The following APBA2 variants were observed in gnomAD, a reference collection of about 807,000 sequenced individuals.
APBA2 encodes amyloid-beta A4 precursor protein-binding family A member 2.
Under a neutral mutation model 75.0 loss-of-function variants are expected in APBA2, and 30 were observed. That is an observed-to-expected ratio of 0.40 (90% CI 0.30 to 0.54). The LOEUF is 0.54. Among genes scored for constraint, APBA2 ranks in the 20% least tolerant of loss-of-function variants. The probability of loss-of-function intolerance (pLI) is 0.49; values close to 1 mark genes in which losing one functional copy is unlikely to be tolerated. For synonymous variants in APBA2, 444 were observed against 409.6 expected (o/e 1.08, Z -1.01); for missense variants, 801 against 1,016.1 (o/e 0.79, Z 2.88).
intron 1 of APBA2, among the ~76,000 whole-genome samples, chr15:28,891,087 G>A (rs1218744550): frequency 2.0e-5 from 3 of 152,236 alleles, no homozygotes; most frequent in Non-Finnish European, 4.4e-5. Flanking sequence ...TCTGGAAACG[G>A]AAACACTCCA....
intron 3 of APBA2, among the ~76,000 whole-genome samples, chr15:29,027,852 T>C (rs2040300313): frequency 6.6e-6 from 1 of 152,060 alleles, no homozygotes; most frequent in African/African-American, 2.4e-5. Context: ...CCGCCCACCT[T>C]GAAGCCTCCC....
chr15:29,057,543 A>G (rs1248126465), intron 4 of APBA2, among the ~76,000 whole-genome samples: 1 of 152,226 alleles, frequency 6.6e-6, no homozygotes, highest in Admixed American at 6.5e-5. Flanking sequence ...TTTTCAGACC[A>G]TAGCATTGAG....
chr15:28,988,818 T>C (rs1293161676), intron 2 of APBA2, among the ~76,000 whole-genome samples: 1 of 152,206 alleles, frequency 6.6e-6, no homozygotes, highest in Non-Finnish European at 1.5e-5. Flanking sequence ...AGGATTGGAA[T>C]TGCTATGGGA....
chr15:28,990,159 G>A (rs755284950), intron 2 of APBA2, among the ~76,000 whole-genome samples: 1 of 152,132 alleles, frequency 6.6e-6, no homozygotes, highest in Non-Finnish European at 1.5e-5. Flanking sequence ...TGGGCGCGGT[G>A]GGCACTTTGG....
intron 3 of APBA2, among the ~76,000 whole-genome samples, chr15:29,041,357 C>G (rs1257078045): frequency 6.6e-6 from 1 of 151,902 alleles, no homozygotes; most frequent in Non-Finnish European, 1.5e-5. Context: ...GTGGCACACA[C>G]CTGTAGTGCC....
chr15:28,939,628 G>A (rs1314702905), intron 2 of APBA2, among the ~76,000 whole-genome samples: 1 of 152,130 alleles, frequency 6.6e-6, no homozygotes, highest in African/African-American at 2.4e-5. Flanking sequence ...GCTACTTCTG[G>A]CCTCACGAGA....
intron 2 of APBA2, among the ~76,000 whole-genome samples, chr15:28,932,339 C>T (rs1361257221): frequency 6.6e-6 from 1 of 152,146 alleles, no homozygotes; most frequent in East Asian, 1.9e-4. Flanking sequence ...GTACCCATCC[C>T]TTGCAGTGGG....
intron 3 of APBA2, among the ~76,000 whole-genome samples, chr15:29,048,956 A>G (rs2041473870): frequency 6.6e-6 from 1 of 151,678 alleles, no homozygotes; most frequent in African/African-American, 2.4e-5. Context: ...AAAAAAAAAA[A>G]GAATTTAGTG....
chr15:29,030,993 A>G (rs1424824565), intron 3 of APBA2, among the ~76,000 whole-genome samples: 1 of 152,094 alleles, frequency 6.6e-6, no homozygotes, highest in Admixed American at 6.5e-5. Context: ...TATTTTTGTT[A>G]TTAATGGGAA....
chr15:28,954,712 A>G (rs1297456362), intron 2 of APBA2, among the ~76,000 whole-genome samples: 1 of 152,186 alleles, frequency 6.6e-6, no homozygotes, highest in Non-Finnish European at 1.5e-5. Context: ...GCAAATTCAC[A>G]GTTGACATCT....
chr15:29,056,805 C>A (rs141688520), intron 4 of APBA2, among the ~76,000 whole-genome samples: 13 of 151,892 alleles, frequency 8.6e-5, no homozygotes, highest in South Asian at 2.1e-4. Context: ...GCCCGCTGCA[C>A]GTGGGCAGGG....
chr15:29,069,601 C>T (rs554065904), intron 4 of APBA2, among the ~76,000 whole-genome samples: 5 of 152,346 alleles, frequency 3.3e-5, no homozygotes, highest in African/African-American at 1.2e-4. Flanking sequence ...TGCTTTTGTT[C>T]ATGTGTGTGT....
At chr15:29,037,969 T>C (rs60060348) in intron 3 of APBA2, among the ~76,000 whole-genome samples, 38,823 of 152,112 alleles carry the variant, frequency 0.26, 8,031 homozygotes, top group African/African-American at 0.57. Flanking sequence ...ACTGTTATAA[T>C]GGCAATCAAA....
chr15:29,114,084 C>A (rs1331215094), intron 14 of APBA2, 68 bp downstream of exon 14: 4 of 1,606,078 alleles, frequency 2.5e-6, no homozygotes, highest in Non-Finnish European at 3.4e-6. Context: ...CCTCCATGAG[C>A]CTCCCCCGCT....
At chr15:28,887,565 C>T (rs1246362910) in intron 1 of APBA2, among the ~76,000 whole-genome samples, 3 of 152,096 alleles carry the variant, frequency 2.0e-5, no homozygotes, top group African/African-American at 7.2e-5. Context: ...CAGTCCAGGG[C>T]GTCCAGGATG....
chr15:29,078,044 C>A (rs2042923708), intron 6 of APBA2, among the ~76,000 whole-genome samples: 1 of 152,206 alleles, frequency 6.6e-6, no homozygotes, highest in African/African-American at 2.4e-5. Context: ...CGCCTGTAAT[C>A]CCAGCACTTT....
At chr15:28,940,778 C>T (rs555730650) in intron 2 of APBA2, among the ~76,000 whole-genome samples, 3 of 152,080 alleles carry the variant, frequency 2.0e-5, no homozygotes, top group East Asian at 1.9e-4. Flanking sequence ...GGGTTGGGGG[C>T]GGGAAATGTA....
At chr15:28,902,329 T>G (rs1354592405) in intron 1 of APBA2, among the ~76,000 whole-genome samples, 1 of 152,072 alleles carries the variant, frequency 6.6e-6, no homozygotes, top group Non-Finnish European at 1.5e-5. Flanking sequence ...TGAGGAAAAC[T>G]CCAGACAAAT....
chr15:28,903,947 T>C (rs754735367), intron 1 of APBA2, among the ~76,000 whole-genome samples: 16 of 152,184 alleles, frequency 1.1e-4, no homozygotes, highest in Non-Finnish European at 2.2e-4. Flanking sequence ...TTACCACTCA[T>C]CCGGATTTTG....
Sources: allele counts gnomAD v4.1 joint callset (sites outside exome capture counted in the v4.1 genomes callset), GRCh38; gene constraint gnomAD v4.1.1; transcripts MANE v1.5; gene names NCBI Gene and HGNC (gene_info 2026-07-23, HGNC 2026-07-21).